PTPRM: variants seen among roughly 807,000 people sequenced by gnomAD.
PTPRM encodes receptor-type tyrosine-protein phosphatase mu.
PTPRM carries 47 observed loss-of-function variants against 186.7 expected under a neutral mutation model. The observed-to-expected ratio is 0.25, with a 90% CI of 0.20 to 0.32. The LOEUF (loss-of-function observed/expected upper bound fraction) is 0.32. Ranked by LOEUF, PTPRM falls within the 10% of genes least tolerant of loss-of-function variation. PTPRM has a pLI of 1.00. For synonymous variants in PTPRM, 668 were observed against 674.9 expected (o/e 0.99, Z 0.16); for missense variants, 1,494 against 1,865.0 (o/e 0.80, Z 3.66).
chr18:7,962,755 A>C (rs2053764368), intron 7 of PTPRM, among the ~76,000 whole-genome samples: 1 of 152,228 alleles, frequency 6.6e-6, no homozygotes, highest in Non-Finnish European at 1.5e-5. Flanking sequence ...AAATGGGAAT[A>C]ATCTGAAATT....
At position 7,804,412 on chromosome 18, in the gene PTPRM, C is replaced by T. The variant is rs374818989; in HGVS notation, c.196+30141C>T. ...GACTACCCTGCTATTCAGGCAACTCCGAAAGCTTGCTTCTGTAAATAGCAG... is the reference window on the plus strand; with the variant it reads ...GACTACCCTGCTATTCAGGCAACTCTGAAAGCTTGCTTCTGTAAATAGCAG... On this transcript the variant is annotated intron_variant, in intron 2 of 32. Transcript: ENST00000580170. 1.3e-4 allele frequency among the ~76,000 whole-genome samples: 20 copies of T among 152,268 alleles called. No individual in the cohort carries two copies. In the East Asian group the frequency reaches 2.9e-3, roughly 22 times the overall value.
intron 22 of PTPRM, among the ~76,000 whole-genome samples, chr18:8,340,051 C>T (rs1568781799): frequency 1.3e-5 from 2 of 152,088 alleles, no homozygotes; most frequent in African/African-American, 4.8e-5. Context: ...TCATCAGCCA[C>T]GAATCACCAG....
intron 13 of PTPRM, among the ~76,000 whole-genome samples, chr18:8,136,064 G>T (rs2092630577): frequency 6.6e-6 from 1 of 152,156 alleles, no homozygotes; most frequent in Non-Finnish European, 1.5e-5. Context: ...TACAAATCTG[G>T]AAGAAATTTT....
At chr18:8,126,630 T>C (rs908800285) in intron 13 of PTPRM, among the ~76,000 whole-genome samples, 2 of 152,164 alleles carry the variant, frequency 1.3e-5, no homozygotes, top group African/African-American at 4.8e-5. Flanking sequence ...TTATCTTCAG[T>C]AAACCGTGGC....
intron 1 of PTPRM, among the ~76,000 whole-genome samples, chr18:7,700,501 CTG>C (rs752123487): frequency 2.0e-5 from 3 of 152,212 alleles, no homozygotes; most frequent in Non-Finnish European, 2.9e-5. Context: ...ACCTTCTAGA[CTG>C]TGCAATGCAT....
chr18:8,081,237 A>G (rs542424390), intron 9 of PTPRM, among the ~76,000 whole-genome samples: 5 of 152,342 alleles, frequency 3.3e-5, no homozygotes, highest in African/African-American at 4.8e-5. Flanking sequence ...GGAAGATTTC[A>G]GGCACTTACC....
At position 8,104,382 on chromosome 18, in the gene PTPRM, T is replaced by C. The variant is rs147240931; in HGVS notation, c.1857-9104T>C. Among the ~76,000 whole-genome samples the C allele has an allele frequency of 2.5e-3, 379 of 152,314 alleles. 3 individuals carry two copies. The highest frequency in any genetic ancestry group is 5.4e-3 in the East Asian group (28 of 5,192). ...TGCTTAATTCTTAAATGCAATACTTTTGTATTCTTCATTATTTCCTTGTTA... is the reference window on the plus strand; with the variant it reads ...TGCTTAATTCTTAAATGCAATACTTCTGTATTCTTCATTATTTCCTTGTTA... On this transcript the variant is annotated intron_variant, in intron 11 of 32. Transcript: ENST00000580170.
chr18:8,364,752 C>A (rs1800270275), intron 23 of PTPRM, among the ~76,000 whole-genome samples: 1 of 152,180 alleles, frequency 6.6e-6, no homozygotes, highest in South Asian at 2.1e-4. Context: ...TTGTAACTGC[C>A]TTATTCTTTT....
intron 7 of PTPRM, among the ~76,000 whole-genome samples, chr18:8,019,146 C>G (rs1415989066): frequency 6.6e-6 from 1 of 152,134 alleles, no homozygotes; most frequent in African/African-American, 2.4e-5. Context: ...AGAAGGACCA[C>G]GTTGAGATTC....
At chr18:8,400,681 G>T (rs753606134) in intron 32 of PTPRM, among the ~76,000 whole-genome samples, 1 of 152,120 alleles carries the variant, frequency 6.6e-6, no homozygotes, top group African/African-American at 2.4e-5. Context: ...GGTTCAGGTT[G>T]CCCCCTCTGT....
At position 7,949,189 on chromosome 18, in the gene PTPRM, T is replaced by A; in HGVS notation, c.672T>A (p.Asp224Glu). 1 of 1,604,526 alleles carries A rather than the reference T, an allele frequency of 6.2e-7. No homozygotes were observed. ...CACCCCACTTGATACAGGGCATTGA[T>A]GTGCGAGATGCTCCTCTGAAGGAAA... ...AGDRLWLQGI[D>E]VRDAPLKEIK... Residue 224 changes from aspartate (D) to glutamate (E), a missense_variant, in exon 6 of 33, where the codon GAT becomes GAA. Transcript: ENST00000580170.
chr18:7,764,501 T>G (rs533235365), intron 1 of PTPRM, among the ~76,000 whole-genome samples: 1 of 152,268 alleles, frequency 6.6e-6, no homozygotes, highest in Admixed American at 6.5e-5. Flanking sequence ...AACCACAGAT[T>G]CATGGGGCTG....
intron 14 of PTPRM, among the ~76,000 whole-genome samples, chr18:8,193,221 TAAC>T (rs2093731757): frequency 6.6e-6 from 1 of 152,138 alleles, no homozygotes; most frequent in South Asian, 2.1e-4. Context: ...AAGCCAATGT[TAAC>T]AACTGCTGGA....
chr18:8,022,590 G>T (rs576566536), intron 7 of PTPRM, among the ~76,000 whole-genome samples: 1 of 152,108 alleles, frequency 6.6e-6, no homozygotes, highest in Non-Finnish European at 1.5e-5. Context: ...TCCACCCACC[G>T]TTATTAAATC....
chr18:7,728,424 C>T (rs775558225), intron 1 of PTPRM, among the ~76,000 whole-genome samples: 7 of 152,062 alleles, frequency 4.6e-5, no homozygotes, highest in Non-Finnish European at 8.8e-5. Context: ...ATACCAGGGC[C>T]ACCATACAGG....
intron 5 of PTPRM, among the ~76,000 whole-genome samples, chr18:7,926,919 G>A (rs138460145): frequency 1.3e-5 from 2 of 151,528 alleles, no homozygotes; most frequent in East Asian, 3.9e-4. Flanking sequence ...TGGAAGATCT[G>A]ATTGTCAAAT....
At chr18:8,276,746 C>T (rs867212816) in intron 19 of PTPRM, among the ~76,000 whole-genome samples, 3 of 152,156 alleles carry the variant, frequency 2.0e-5, no homozygotes, top group Non-Finnish European at 2.9e-5. Flanking sequence ...CAAAAAAATA[C>T]AATCTCCATC....
chr18:8,378,321 C>T lies in PTPRM; in HGVS notation c.3519C>T (p.Thr1173=). The stretch of plus-strand genomic sequence containing the variant: ...TGGAAGCCTGTCTTTGTGGGGACAC[C>T]TCTGTGCCTGCTTCCCAAGTTAGGT... ...AILEACLCGD[T]SVPASQVRSL... Residue 1173 remains threonine, a synonymous_variant, in exon 27 of 33, where the codon ACC becomes ACT. Coordinates refer to ENST00000580170, the MANE Select transcript of PTPRM (RefSeq NM_001105244.2). The T allele has an allele frequency of 6.2e-7, 1 of 1,613,070 alleles. No homozygotes were observed. The highest frequency in any genetic ancestry group is 8.5e-7 in the Non-Finnish European group (1 of 1,179,034).
At chr18:7,935,069 A>G (rs1326267194) in intron 5 of PTPRM, among the ~76,000 whole-genome samples, 1 of 152,212 alleles carries the variant, frequency 6.6e-6, no homozygotes, top group Non-Finnish European at 1.5e-5. Flanking sequence ...TTTCAGAACA[A>G]TTTTGTTATT....
Sources: gnomAD v4.1 joint callset for allele counts (sites outside exome capture counted in the v4.1 genomes callset) on GRCh38, gnomAD v4.1.1 for gene constraint, MANE v1.5 for transcripts, NCBI Gene and HGNC (gene_info 2026-07-23, HGNC 2026-07-21) for gene names.